SEZ6L: variants seen among roughly 807,000 people sequenced by gnomAD.
SEZ6L encodes the protein seizure related 6 homolog like.
Under a neutral mutation model 106.2 loss-of-function variants are expected in SEZ6L, and 37 were observed. The observed-to-expected ratio is 0.35, with a 90% CI of 0.27 to 0.46. SEZ6L has a LOEUF of 0.46. SEZ6L is among the 20% of genes least tolerant of loss of function. The pLI, the probability that SEZ6L is intolerant of heterozygous loss-of-function variation, is 1.00. For missense variants in SEZ6L, 1,172 were observed against 1,332.8 expected (o/e 0.88, Z 1.88); for synonymous variants, 541 against 570.4 (o/e 0.95, Z 0.73).
intron 9 of SEZ6L, among the ~76,000 whole-genome samples, chr22:26,314,364 A>G (rs1306880248): frequency 6.6e-6 from 1 of 152,240 alleles, no homozygotes; most frequent in East Asian, 1.9e-4. Context: ...CAGAATGTGC[A>G]AAGGCCCTGT....
chr22:26,221,908 T>C (rs1462276364), intron 1 of SEZ6L, among the ~76,000 whole-genome samples: 2 of 152,188 alleles, frequency 1.3e-5, no homozygotes, highest in Admixed American at 6.5e-5. Context: ...AAGCCAGTCT[T>C]TTAGAAAGGG....
chr22:26,288,767 G>A (rs2081014385), intron 1 of SEZ6L, among the ~76,000 whole-genome samples: 1 of 152,194 alleles, frequency 6.6e-6, no homozygotes. Context: ...TGTTATTTTG[G>A]CCAAGGTGAA....
chr22:26,229,600 C>T (rs144876662), intron 1 of SEZ6L, among the ~76,000 whole-genome samples: 28 of 152,126 alleles, frequency 1.8e-4, no homozygotes, highest in African/African-American at 6.5e-4. Flanking sequence ...CTCTGCTGCC[C>T]CAATTTGTGT....
Position 26,258,055 on chromosome 22 carries a change from G to C in SEZ6L, c.95-34351G>C, listed in dbSNP as rs183547676. Among the ~76,000 whole-genome samples the C allele has an allele frequency of 1.1e-4, 16 of 152,268 alleles. No individual in the cohort carries two copies. The East Asian group carries it at 2.9e-3, about 28-fold the overall frequency. ...ATGGCCACGAGAGGACTTCCGGAATGAGTCTGTCATCTCCAATTCATTCTA... is the reference window on the plus strand; with the variant it reads ...ATGGCCACGAGAGGACTTCCGGAATCAGTCTGTCATCTCCAATTCATTCTA... On this transcript the variant is annotated intron_variant, in intron 1 of 16. Transcript: ENST00000248933.
At chr22:26,353,132 CATCT>C (rs1422681522) in intron 12 of SEZ6L, among the ~76,000 whole-genome samples, 3 of 152,176 alleles carry the variant, frequency 2.0e-5, no homozygotes, top group Non-Finnish European at 2.9e-5. Flanking sequence ...CCTGTGTCTC[CATCT>C]GTCTTTTTAG....
chr22:26,257,658 C>G (rs960928475), intron 1 of SEZ6L, among the ~76,000 whole-genome samples: 2 of 152,092 alleles, frequency 1.3e-5, no homozygotes, highest in African/African-American at 4.8e-5. Context: ...GGTCTGAGGA[C>G]TAAAGAGGGA....
chr22:26,252,594 C>T (rs1216484722), intron 1 of SEZ6L, among the ~76,000 whole-genome samples: 1 of 152,112 alleles, frequency 6.6e-6, no homozygotes, highest in Admixed American at 6.5e-5. Context: ...TCTAGTAGCC[C>T]CACTGTCTAT....
rs566321931 is a variant in SEZ6L at position 26,290,992 on chromosome 22, A to G, written c.95-1414A>G. Among the ~76,000 whole-genome samples the G allele has an allele frequency of 2.0e-5, 3 of 152,362 alleles. No homozygotes were observed. In the East Asian group the frequency reaches 5.8e-4, roughly 29 times the overall value. On this transcript the variant is annotated intron_variant, in intron 1 of 16. Coordinates refer to ENST00000248933, the MANE Select transcript of SEZ6L (RefSeq NM_021115.5). ...TTTTACACTGTTGGTGGGAATGTAA[A>G]TTAATTCAACCATTGTGGAAGATGG...
At chr22:26,240,134 C>T (rs1192017811) in intron 1 of SEZ6L, among the ~76,000 whole-genome samples, 2 of 151,280 alleles carry the variant, frequency 1.3e-5, no homozygotes, top group Non-Finnish European at 2.9e-5. Context: ...TTGCATCTTG[C>T]CTTGGGCTGG....
At chr22:26,268,782 T>A (rs1159418374) in intron 1 of SEZ6L, among the ~76,000 whole-genome samples, 2 of 152,172 alleles carry the variant, frequency 1.3e-5, no homozygotes, top group East Asian at 3.8e-4. Context: ...CTAAAATTTC[T>A]CCCGACATTG....
intron 8 of SEZ6L, among the ~76,000 whole-genome samples, chr22:26,312,415 C>T (rs539296632): frequency 7.2e-5 from 11 of 152,276 alleles, no homozygotes; most frequent in South Asian, 4.1e-4. Context: ...TAGATTGTAT[C>T]GGCCCCATTT....
In SEZ6L at chr22:26,351,055, T is replaced by C; in HGVS notation, c.2411T>C (p.Met804Thr). Residue 804 changes from methionine to threonine, a missense_variant, in exon 12 of 17, where the codon ATG (methionine) becomes ACG (threonine). Around this residue, in one of 4 missense-constraint regions of SEZ6L, gnomAD observed 534 missense variants for 691.0 expected, o/e 0.77. Coordinates refer to ENST00000248933, the MANE Select transcript of SEZ6L (RefSeq NM_021115.5). ...GGTCTGGTTTCATCCCGTGTAGTTATGTACTGCACCGACCCCGGAGAGGTG... is the reference window on the plus strand; with the variant it reads ...GGTCTGGTTTCATCCCGTGTAGTTACGTACTGCACCGACCCCGGAGAGGTG... The part of the protein sequence containing the change: ...SSDPPFCEKI[M>T]YCTDPGEVDH... 6.2e-7 allele frequency: 1 copy of C among 1,613,036 alleles called. No individual in the cohort carries two copies. Among genetic ancestry groups the C allele is most frequent in the Non-Finnish European group, 8.5e-7 (1 of 1,179,534 alleles).
intron 5 of SEZ6L, among the ~76,000 whole-genome samples, chr22:26,304,369 GAAGAAAGAAAGAAAGA>G (rs35971247): frequency 0.032 from 3,190 of 98,284 alleles, 86 homozygotes; most frequent in Admixed American, 0.04. Context: ...AAAAAAGAAA[GAAGAAAGAAAGAAAGA>G]AAGAAAGAAA....
intron 8 of SEZ6L, 148 bp downstream of exon 8, chr22:26,312,110 G>A (rs1251321560): frequency 2.5e-6 from 2 of 786,800 alleles, no homozygotes; most frequent in Non-Finnish European, 4.0e-6. Context: ...CTGTCCTTTG[G>A]TTCAGGGTTG....
At chr22:26,245,143 A>G (rs1396949178) in intron 1 of SEZ6L, among the ~76,000 whole-genome samples, 2 of 152,006 alleles carry the variant, frequency 1.3e-5, no homozygotes, top group Non-Finnish European at 2.9e-5. Flanking sequence ...GAGGTGAGGG[A>G]TGGAGCATCA....
Position 26,299,135 on chromosome 22 carries a change from G to T in SEZ6L, c.1314G>T (p.Lys438Asn), listed in dbSNP as rs778009245. ...TGCTGACATGCATCAATGCCTCCAA[G>T]CCGCACTGGAGCAGCCAGGAGCCCA... The part of the protein sequence containing the change: ...AKMLTCINAS[K>N]PHWSSQEPIC... Residue 438 changes from lysine to asparagine, a missense_variant, in exon 5 of 17, where the codon AAG (lysine) becomes AAT (asparagine). Physicochemically the swap from Lys to Asn is moderately conservative, Grantham distance 94 (BLOSUM62 0). Coordinates refer to ENST00000248933, the MANE Select transcript of SEZ6L (RefSeq NM_021115.5). 1 of 1,579,610 alleles carries T rather than the reference G, an allele frequency of 6.3e-7. No individual in the cohort carries two copies. The highest frequency in any genetic ancestry group is 8.6e-7 in the Non-Finnish European group (1 of 1,161,990).
intron 1 of SEZ6L, among the ~76,000 whole-genome samples, chr22:26,220,790 A>T (rs1042064158): frequency 5.9e-5 from 9 of 152,226 alleles, no homozygotes; most frequent in African/African-American, 2.2e-4. Flanking sequence ...TTTAGCACCC[A>T]GTAAGCACTC....
chr22:26,249,871 A>G (rs2079509089), intron 1 of SEZ6L, among the ~76,000 whole-genome samples: 1 of 152,042 alleles, frequency 6.6e-6, no homozygotes, highest in Non-Finnish European at 1.5e-5. Flanking sequence ...CCATCCTGAG[A>G]TGAGATAATA....
intron 16 of SEZ6L, 134 bp from the exon 17 acceptor site, chr22:26,380,132 G>A (rs2084366733): frequency 1.4e-6 from 1 of 709,520 alleles, no homozygotes; most frequent in African/African-American, 1.8e-5. Context: ...AAGCAAATCA[G>A]GGTCAGAGTG....
Sources: allele counts gnomAD v4.1 joint callset (sites outside exome capture counted in the v4.1 genomes callset), GRCh38; gene constraint gnomAD v4.1.1; regional missense constraint gnomAD v4.1.1; transcripts MANE v1.5; gene names NCBI Gene and HGNC (gene_info 2026-07-23, HGNC 2026-07-21).